C19orf38: variants seen among roughly 807,000 people sequenced by gnomAD.
The protein encoded by C19orf38 is chromosome 19 open reading frame 38, also known as protein HIDE1.
In C19orf38, 14 loss-of-function variants were observed where a neutral mutation model predicts 26.6. The ratio of observed to expected loss-of-function variants is 0.53; its 90% CI spans 0.35 to 0.82. The LOEUF (loss-of-function observed/expected upper bound fraction) is 0.82. Ranked by LOEUF, C19orf38 falls within the 40% of genes least tolerant of loss-of-function variation. The pLI is 0.01. For synonymous variants in C19orf38, 132 were observed against 128.5 expected, an observed-to-expected ratio of 1.03 and a Z score of -0.18; for missense variants, 261 against 299.5, an observed-to-expected ratio of 0.87 and a Z score of 0.95.
At chr19:10,868,126 A>G (rs1224177640) in intron 6 of C19orf38, among the ~76,000 whole-genome samples, 1 of 152,110 alleles carries the variant, frequency 6.6e-6, no homozygotes, top group African/African-American at 2.4e-5. Context: ...TTTCACTTCT[A>G]GTTTCCTTTT....
chr19:10,866,646 T>C lies in C19orf38; in HGVS notation c.544-2572T>C, dbSNP rs556678902. The stretch of plus-strand genomic sequence containing the variant: ...GATTACAGGCACATGCCACCGCGGC[T>C]GGCTAAAGTTTTTTTTTTTGGAGAC... On this transcript the variant is annotated intron_variant, in intron 6 of 6. Transcript: ENST00000397820. Among the ~76,000 whole-genome samples, 23 of 151,648 alleles carry C rather than the reference T, an allele frequency of 1.5e-4. No homozygotes were observed. The South Asian group carries it at 3.5e-3, about 23-fold the overall frequency.
intron 3 of C19orf38, 73 bp from the exon 4 acceptor site, chr19:10,858,243 A>AAC (rs1247768663): frequency 1.6e-6 from 2 of 1,225,764 alleles, no homozygotes; most frequent in African/African-American, 3.1e-5. Context: ...AAAAAAAAAA[A>AAC]AAAAAAAAAC....
intron 2 of C19orf38, among the ~76,000 whole-genome samples, chr19:10,851,039 C>T (rs1162680547): frequency 6.6e-6 from 1 of 152,180 alleles, no homozygotes; most frequent in Non-Finnish European, 1.5e-5. Context: ...ATTACTTCCC[C>T]TCTTGGCCAC....
chr19:10,843,402 T>A lies in C19orf38; in HGVS notation c.-68-5039T>A, dbSNP rs35359031. Among the ~76,000 whole-genome samples, 416 of 152,326 alleles carry A rather than the reference T, an allele frequency of 2.7e-3. 1 individual carries two copies. The highest frequency in any genetic ancestry group is 4.5e-3 in the Non-Finnish European group (308 of 68,032). ...TTTGTCTGCCTCTTGCCACTATCAA[T>A]ATCAATCAGAAGGCTTCCCTGACCC... On this transcript the variant is annotated intron_variant, in intron 1 of 7. Transcript: ENST00000592854.
At position 10,859,367 on chromosome 19, in the gene C19orf38, TA is replaced by T. The variant is rs1568337600; in HGVS notation, c.462-547del. 7.1e-3 allele frequency among the ~76,000 whole-genome samples: 424 copies of T among 59,568 alleles called. 11 individuals are homozygous for T. Among genetic ancestry groups the T allele is most frequent in the African/African-American group, 0.038 (386 of 10,180 alleles). The allele number at this position is 59,568 out of a possible 152,430, so 39.1% of individuals were successfully genotyped here. On this transcript the variant is annotated intron_variant, in intron 4 of 6. Transcript: ENST00000397820. ...GTGTGTGTATATATATATATATATA[TA>T]TATATATATATATATATTTTTTTTT...
intron 3 of C19orf38, 150 bp downstream of exon 3, chr19:10,856,507 T>C: frequency 2.1e-6 from 1 of 476,946 alleles, no homozygotes; most frequent in Non-Finnish European, 3.5e-6. Flanking sequence ...TTTATTTATT[T>C]ATTATTTTTC....
chr19:10,867,122 G>A (rs533575351), intron 6 of C19orf38, among the ~76,000 whole-genome samples: 1 of 151,458 alleles, frequency 6.6e-6, no homozygotes, highest in South Asian at 2.1e-4. Flanking sequence ...ACTTGTCTCC[G>A]TGCAACACCC....
At chr19:10,861,387 T>G (rs560633912) in intron 5 of C19orf38, among the ~76,000 whole-genome samples, 3 of 152,300 alleles carry the variant, frequency 2.0e-5, no homozygotes, top group Admixed American at 6.5e-5. Context: ...AGAAATGTAT[T>G]CTCTGTACTT....
chr19:10,857,934 A>AAAGAAAGAAAG (rs1268021373), intron 3 of C19orf38, among the ~76,000 whole-genome samples: 68 of 129,404 alleles, frequency 5.3e-4, no homozygotes, highest in Middle Eastern at 8.8e-3. Context: ...AAGAAAGAAA[A>AAAGAAAGAAAG]ATCTGAGGCC....
chr19:10,854,490 C>G (rs1281628975), intron 2 of C19orf38, among the ~76,000 whole-genome samples: 1 of 152,196 alleles, frequency 6.6e-6, no homozygotes, highest in Non-Finnish European at 1.5e-5. Context: ...ATCAAAGGCC[C>G]CCTTCTCTCA....
At chr19:10,869,180 A>G in intron 6 of C19orf38, 38 bp from the exon 7 acceptor site, 1 of 1,551,080 alleles carries the variant, frequency 6.4e-7, no homozygotes, top group Non-Finnish European at 8.7e-7. Context: ...TGAAACCCCA[A>G]ATCACCCACT....
intron 1 of C19orf38, chr19:10,836,801 G>A (rs1435224959): frequency 6.6e-6 from 1 of 152,540 alleles, no homozygotes; most frequent in Admixed American, 6.5e-5. Flanking sequence ...CGACCACCCT[G>A]TAGTGCGGCT....
At chr19:10,852,678 G>A (rs556792932) in intron 2 of C19orf38, among the ~76,000 whole-genome samples, 6 of 152,190 alleles carry the variant, frequency 3.9e-5, no homozygotes, top group Non-Finnish European at 8.8e-5. Flanking sequence ...GAGGAGCCCA[G>A]TATGGCTGAA....
At chr19:10,858,408 G>T (rs1356433231) in intron 4 of C19orf38, 65 bp downstream of exon 4, 17 of 1,454,810 alleles carry the variant, frequency 1.2e-5, no homozygotes, top group Middle Eastern at 1.7e-4. Context: ...CCCTGGCAGG[G>T]TGGGCACTCC....
intron 2 of C19orf38, among the ~76,000 whole-genome samples, chr19:10,851,732 G>C (rs1166151572): frequency 2.0e-5 from 3 of 151,978 alleles, no homozygotes; most frequent in Non-Finnish European, 2.9e-5. Flanking sequence ...ACTTTGGGAG[G>C]CCGAGGCGGG....
At chr19:10,838,520 G>A in intron 1 of C19orf38, among the ~76,000 whole-genome samples, 1 of 152,162 alleles carries the variant, frequency 6.6e-6, no homozygotes, top group East Asian at 1.9e-4. Flanking sequence ...CATCGGCTCA[G>A]TAAAGATCCC....
At chr19:10,850,203 C>G in intron 1 of C19orf38, 56 bp from the exon 2 acceptor site, 8 of 1,467,126 alleles carry the variant, frequency 5.5e-6, no homozygotes, top group Admixed American at 4.7e-5. Context: ...GGCCACATAG[C>G]CAGGGCAGCC....
At chr19:10,854,175 G>C (rs543232617) in intron 2 of C19orf38, among the ~76,000 whole-genome samples, 17 of 151,376 alleles carry the variant, frequency 1.1e-4, no homozygotes, top group Admixed American at 3.3e-4. Flanking sequence ...CGATTCTCGT[G>C]CCTCAGCCTC....
Position 10,856,284 on chromosome 19 carries a change from G to C in C19orf38, c.360G>C (p.Val120=), listed in dbSNP as rs1211582470. The stretch of plus-strand genomic sequence containing the variant: ...CTCCAGTGCCCACTTGGATCTTGGT[G>C]CTCTCCCTGAGCCTGGCTGGTGCCC... ...VSFPVPTWIL[V]LSLSLAGALF... is the part of the protein sequence containing the mutation. Residue 120 remains valine, a synonymous_variant, in exon 3 of 7, where the codon GTG becomes GTC. Coordinates refer to ENST00000397820, the MANE Select transcript of C19orf38 (RefSeq NM_001136482.3). 2 of 1,551,164 alleles carry C rather than the reference G, an allele frequency of 1.3e-6. No individual in the cohort carries two copies. The highest frequency in any genetic ancestry group is 1.7e-6 in the Non-Finnish European group (2 of 1,146,576).
Sources: gnomAD v4.1 joint callset for allele counts (sites outside exome capture counted in the v4.1 genomes callset) on GRCh38, gnomAD v4.1.1 for gene constraint, MANE v1.5 for transcripts, NCBI Gene and HGNC (gene_info 2026-07-23, HGNC 2026-07-21) for gene names.